Variants in SLC45A2 observed in about 807,000 individuals in gnomAD.
SLC45A2 encodes solute carrier family 45 member 2, also known as membrane-associated transporter protein.
A neutral mutation model predicts 45.5 loss-of-function variants in SLC45A2; 36 were observed. The observed-to-expected ratio is 0.79, with a 90% CI of 0.61 to 1.04. SLC45A2 has a LOEUF of 1.04. Ranked by LOEUF, SLC45A2 falls within the 50% of genes least tolerant of loss-of-function variation. The pLI is 0.00. For synonymous variants in SLC45A2, 306 were observed against 269.3 expected (o/e 1.14, Z -1.33); for missense variants, 719 against 671.0 (o/e 1.07, Z -0.79).
chr5:33,983,984 A>G (rs1233254431), intron 1 of SLC45A2, among the ~76,000 whole-genome samples: 2 of 152,252 alleles, frequency 1.3e-5, no homozygotes, highest in East Asian at 3.8e-4. Context: ...AATCTTCACA[A>G]CAATGAAACA....
chr5:33,961,276 G>T (rs1752447697), intron 3 of SLC45A2, among the ~76,000 whole-genome samples: 1 of 152,076 alleles, frequency 6.6e-6, no homozygotes, highest in Admixed American at 6.5e-5. Flanking sequence ...CTAACATCAA[G>T]GAGTCCTTTG....
intron 6 of SLC45A2, among the ~76,000 whole-genome samples, chr5:33,945,128 G>T (rs1457435388): frequency 6.6e-6 from 1 of 152,194 alleles, no homozygotes; most frequent in Non-Finnish European, 1.5e-5. Context: ...AATTGGTGAT[G>T]TGGAACTGAA....
At chr5:33,965,344 T>G (rs541145634) in intron 2 of SLC45A2, among the ~76,000 whole-genome samples, 2 of 152,310 alleles carry the variant, frequency 1.3e-5, no homozygotes, top group South Asian at 4.1e-4. Context: ...TTATTCAAAT[T>G]AGTGAGAGAG....
intron 2 of SLC45A2, chr5:33,971,351 A>G (rs757358504): frequency 2.9e-5 from 15 of 510,036 alleles, no homozygotes; most frequent in Non-Finnish European, 1.6e-5. Flanking sequence ...TACCTCCAAA[A>G]GGCTGTTTGT....
intron 5 of SLC45A2, among the ~76,000 whole-genome samples, chr5:33,951,171 T>C (rs1752084848): frequency 6.6e-6 from 1 of 152,202 alleles, no homozygotes; most frequent in Non-Finnish European, 1.5e-5. Context: ...ATATTGCTTC[T>C]CTTCTGTATC....
chr5:33,977,255 T>C lies in SLC45A2; in HGVS notation c.562+4981A>G, dbSNP rs369328026. On this transcript the variant is annotated intron_variant, in intron 2 of 6. Transcript: ENST00000296589. ...TCCATACTCCAGAACTGTGGGAAAA[T>C]GAATTTCTGTTTACCTAGTCAGTGA... 6.6e-5 allele frequency among the ~76,000 whole-genome samples: 10 copies of C among 152,264 alleles called. No homozygotes were observed. In the East Asian group the frequency reaches 1.4e-3, roughly 21 times the overall value.
At chr5:33,955,264 T>C (rs748367929) in intron 3 of SLC45A2, among the ~76,000 whole-genome samples, 4 of 152,296 alleles carry the variant, frequency 2.6e-5, no homozygotes, top group Middle Eastern at 3.4e-3. Context: ...TATAACCACA[T>C]GGAACTGCAT....
chr5:33,950,425 T>A (rs918319455), intron 5 of SLC45A2, among the ~76,000 whole-genome samples: 3 of 152,210 alleles, frequency 2.0e-5, no homozygotes, highest in African/African-American at 7.2e-5. Flanking sequence ...ACTCTTTGAG[T>A]ATCATAAATT....
chr5:33,965,760 T>C (rs1465235654), intron 2 of SLC45A2, among the ~76,000 whole-genome samples: 1 of 152,202 alleles, frequency 6.6e-6, no homozygotes, highest in African/African-American at 2.4e-5. Context: ...AGGCAGAAGG[T>C]ATCAGAAGTC....
chr5:33,954,776 T>G (rs1299191515), intron 3 of SLC45A2, among the ~76,000 whole-genome samples: 1 of 152,148 alleles, frequency 6.6e-6, no homozygotes, highest in East Asian at 1.9e-4. Context: ...GGCCAAGGTG[T>G]AGGAGACATT....
intron 5 of SLC45A2, among the ~76,000 whole-genome samples, chr5:33,948,876 A>T (rs1752014392): frequency 6.6e-6 from 1 of 152,250 alleles, no homozygotes; most frequent in Non-Finnish European, 1.5e-5. Flanking sequence ...TAACTTCAGT[A>T]CAGAGACTGA....
chr5:33,968,419 G>T (rs114027298), intron 2 of SLC45A2, among the ~76,000 whole-genome samples: 1 of 152,144 alleles, frequency 6.6e-6, no homozygotes, highest in Non-Finnish European at 1.5e-5. Flanking sequence ...CAGAGCATTC[G>T]GAGGACATCT....
At chr5:33,980,622 T>C (rs1285465878) in intron 2 of SLC45A2, among the ~76,000 whole-genome samples, 1 of 152,178 alleles carries the variant, frequency 6.6e-6, no homozygotes, top group Non-Finnish European at 1.5e-5. Flanking sequence ...TTCCAGGAAC[T>C]GAAGATTCAT....
intron 5 of SLC45A2, among the ~76,000 whole-genome samples, chr5:33,948,947 G>A (rs1366207500): frequency 1.3e-5 from 2 of 152,222 alleles, no homozygotes; most frequent in Non-Finnish European, 2.9e-5. Context: ...GGCCAAGCTT[G>A]AATTGCCCTC....
intron 6 of SLC45A2, chr5:33,946,643 C>T (rs1441932382): frequency 9.9e-7 from 1 of 1,009,332 alleles, no homozygotes; most frequent in Non-Finnish European, 1.2e-6. Flanking sequence ...AGCTTTCCTT[C>T]TCACACATGG....
intron 6 of SLC45A2, chr5:33,946,027 G>T: frequency 2.0e-6 from 2 of 985,418 alleles, no homozygotes; most frequent in Non-Finnish European, 2.4e-6. Flanking sequence ...ACCTAAAAAT[G>T]AACTCATTCT....
intron 2 of SLC45A2, chr5:33,971,082 C>T: frequency 3.9e-6 from 2 of 511,818 alleles, no homozygotes; most frequent in South Asian, 1.5e-5. Context: ...GTTAAAGCTG[C>T]AGATGGACCA....
chr5:33,976,285 T>C (rs1457223336), intron 2 of SLC45A2, among the ~76,000 whole-genome samples: 1 of 152,132 alleles, frequency 6.6e-6, no homozygotes, highest in Admixed American at 6.5e-5. Context: ...TTAAAGTGCA[T>C]ATAACATTGT....
intron 2 of SLC45A2, among the ~76,000 whole-genome samples, chr5:33,969,587 C>A (rs1203767259): frequency 6.6e-6 from 1 of 152,122 alleles, no homozygotes; most frequent in African/African-American, 2.4e-5. Flanking sequence ...CTTCAGAGTT[C>A]CGAAAGCCCT....
Sources: allele counts gnomAD v4.1 joint callset (sites outside exome capture counted in the v4.1 genomes callset), GRCh38; gene constraint gnomAD v4.1.1; transcripts MANE v1.5; gene names NCBI Gene and HGNC (gene_info 2026-07-23, HGNC 2026-07-21).